The following WDR47 variants were observed in gnomAD, a reference collection of about 807,000 sequenced individuals.
WDR47 encodes the protein WD repeat domain 47, also known as WD repeat-containing protein 47.
A neutral mutation model predicts 97.2 loss-of-function variants in WDR47; 32 were observed. The ratio of observed to expected loss-of-function variants is 0.33; its 90% CI spans 0.25 to 0.44. The LOEUF (loss-of-function observed/expected upper bound fraction) is 0.44. Ranked by LOEUF, WDR47 falls within the 20% of genes least tolerant of loss-of-function variation. WDR47 has a pLI of 1.00. For missense variants in WDR47, 782 were observed against 1,102.3 expected (o/e 0.71, Z 4.11); for synonymous variants, 375 against 373.5 (o/e 1.00, Z -0.05).
At position 109,029,671 on chromosome 1, in the gene WDR47, CTAAATAAATAAATAAATAAATAAA is replaced by C. The variant is rs112161424; in HGVS notation, c.-9-6174_-9-6151del. 6.3e-3 allele frequency among the ~76,000 whole-genome samples: 890 copies of C among 140,662 alleles called. 3 individuals are homozygous for C. Among genetic ancestry groups the C allele is most frequent in the African/African-American group, 0.022 (820 of 37,544 alleles). The allele number at this position is 140,662 out of a possible 152,430, so 92.3% of individuals were successfully genotyped here. A position where few individuals can be genotyped will look rare whatever the true frequency, so the allele number is the denominator to read the frequency against. On this transcript the variant is annotated intron_variant, in intron 1 of 14. Coordinates refer to ENST00000369962, the MANE Select transcript of WDR47 (RefSeq NM_001142551.2). ...TGGGTGACAGAGCGAGACTCTGTCT[CTAAATAAATAAATAAATAAATAAA>C]TAAATAAATAAATAAATATTTTTTT...
chr1:109,038,411 G>A lies in WDR47; in HGVS notation c.-10+3451C>T, dbSNP rs574814283. Among the ~76,000 whole-genome samples the A allele has an allele frequency of 1.4e-3, 218 of 152,306 alleles. 1 individual carries two copies. Among genetic ancestry groups the A allele is most frequent in the Non-Finnish European group, 2.0e-3 (138 of 68,042 alleles). The stretch of plus-strand genomic sequence containing the variant: ...AAAAAATATCGAGCCAGGTGCAGTG[G>A]CTCATGCCTGTAATCCCAGCACTTT... On this transcript the variant is annotated intron_variant, in intron 1 of 14. Coordinates refer to ENST00000369962, the MANE Select transcript of WDR47 (RefSeq NM_001142551.2).
chr1:108,987,873 T>C (rs1658960388), intron 9 of WDR47, among the ~76,000 whole-genome samples: 1 of 152,134 alleles, frequency 6.6e-6, no homozygotes, highest in Non-Finnish European at 1.5e-5. Flanking sequence ...TATTTTTCAT[T>C]ACTCATTGCT....
At chr1:109,002,133 T>C in intron 7 of WDR47, 91 bp downstream of exon 7, 1 of 1,379,888 alleles carries the variant, frequency 7.2e-7, no homozygotes. Flanking sequence ...AGCCTTAAAA[T>C]GTCAAACTAT....
At chr1:108,990,862 G>A (rs892368686) in intron 9 of WDR47, among the ~76,000 whole-genome samples, 1 of 152,066 alleles carries the variant, frequency 6.6e-6, no homozygotes, top group Non-Finnish European at 1.5e-5. Flanking sequence ...CCACTACTAG[G>A]CCATTAATAT....
chr1:109,023,161 C>T (rs1203696427), intron 2 of WDR47, among the ~76,000 whole-genome samples, 194 bp downstream of exon 2: 4 of 151,770 alleles, frequency 2.6e-5, no homozygotes, highest in African/African-American at 4.8e-5. Context: ...CGACATCTCG[C>T]CACTGCACTC....
intron 1 of WDR47, among the ~76,000 whole-genome samples, chr1:109,036,986 T>C (rs1221949363): frequency 6.7e-6 from 1 of 149,648 alleles, no homozygotes; most frequent in Non-Finnish European, 1.5e-5. Context: ...ATTTGTGAAA[T>C]GCTGTTTTTG....
intron 10 of WDR47, among the ~76,000 whole-genome samples, chr1:108,985,238 C>G (rs910105151): frequency 6.6e-6 from 1 of 152,174 alleles, no homozygotes; most frequent in African/African-American, 2.4e-5. Flanking sequence ...TCTATCTCTG[C>G]GGCCTTATCA....
At chr1:108,986,841 T>G (rs1202554391) in intron 9 of WDR47, 161 bp from the exon 10 acceptor site, 1 of 601,758 alleles carries the variant, frequency 1.7e-6, no homozygotes, top group Non-Finnish European at 2.8e-6. Context: ...TTTTCTTACT[T>G]TATTAAATCT....
At chr1:109,028,366 T>TTTTTTTG (rs1458190182) in intron 1 of WDR47, among the ~76,000 whole-genome samples, 1 of 130,422 alleles carries the variant, frequency 7.7e-6, no homozygotes, top group Non-Finnish European at 1.6e-5. Flanking sequence ...TGTTGGGTTT[T>TTTTTTTG]TTTTTTTTTT....
intron 10 of WDR47, among the ~76,000 whole-genome samples, chr1:108,985,777 C>T (rs536513776): frequency 1.1e-4 from 17 of 152,222 alleles, no homozygotes; most frequent in Admixed American, 9.8e-4. Flanking sequence ...GGTTCTACCT[C>T]CATAATTATT....
chr1:109,019,846 G>A (rs770485998), intron 2 of WDR47, among the ~76,000 whole-genome samples: 5 of 152,104 alleles, frequency 3.3e-5, no homozygotes, highest in Non-Finnish European at 7.3e-5. Flanking sequence ...CTTACACAAC[G>A]GCAATTTCCC....
rs1288167878 is a variant in WDR47, at chr1:109,023,453, G to A, written c.60C>T (p.Asp20=). Residue 20 remains aspartate, a synonymous_variant, in exon 2 of 15, where the codon GAC becomes GAT. Transcript: ENST00000369962. ...KEVEIIKLIL[D]FLNSKKLHIS... is the part of the protein sequence containing the mutation. ...TGTGAAGCTTCTTTGAATTCAGGAA[G>A]TCCAAAATTAGCTTAATGATTTCAA... 3.7e-6 allele frequency: 6 copies of A among 1,613,526 alleles called. No homozygotes were observed. Among genetic ancestry groups the A allele is most frequent in the Non-Finnish European group, 5.1e-6 (6 of 1,179,796 alleles).
intron 1 of WDR47, among the ~76,000 whole-genome samples, chr1:109,027,104 T>C (rs1285183686): frequency 6.6e-6 from 1 of 152,124 alleles, no homozygotes; most frequent in Non-Finnish European, 1.5e-5. Flanking sequence ...TTGCCCGGGC[T>C]GGAGTGCAGT....
chr1:109,036,564 C>T (rs544381417), intron 1 of WDR47, among the ~76,000 whole-genome samples: 62 of 148,096 alleles, frequency 4.2e-4, no homozygotes, highest in African/African-American at 9.9e-4. Context: ...AGTCCAGGCG[C>T]GGTGGCTCAC....
intron 3 of WDR47, among the ~76,000 whole-genome samples, chr1:109,016,189 G>C (rs1661406551): frequency 6.6e-6 from 1 of 151,942 alleles, no homozygotes; most frequent in Non-Finnish European, 1.5e-5. Flanking sequence ...GATTATTTGA[G>C]CCCAGAAGTT....
At chr1:108,991,207 T>A (rs1453675940) in intron 9 of WDR47, 47 bp downstream of exon 9, 2 of 1,549,424 alleles carry the variant, frequency 1.3e-6, no homozygotes, top group Admixed American at 1.8e-5. Flanking sequence ...TAGCAAAATT[T>A]ACAGGTGCAT....
intron 13 of WDR47, among the ~76,000 whole-genome samples, chr1:108,975,264 T>C (rs943360886): frequency 6.6e-6 from 1 of 152,094 alleles, no homozygotes; most frequent in African/African-American, 2.4e-5. Context: ...CTTGAATCCT[T>C]GTCTCCCAGA....
chr1:108,992,725 G>A, intron 8 of WDR47: 1 of 1,588,526 alleles, frequency 6.3e-7, no homozygotes, highest in Non-Finnish European at 8.5e-7. Context: ...ACATTGAGAT[G>A]ATCCTTACGG....
intron 10 of WDR47, among the ~76,000 whole-genome samples, chr1:108,983,883 A>G (rs931765009): frequency 8.5e-5 from 13 of 152,246 alleles, no homozygotes; most frequent in Non-Finnish European, 1.6e-4. Context: ...AGTTCTGTCC[A>G]GAGTTTAAAA....
Sources: gnomAD v4.1 joint callset for allele counts (sites outside exome capture counted in the v4.1 genomes callset) on GRCh38, gnomAD v4.1.1 for gene constraint, MANE v1.5 for transcripts, NCBI Gene and HGNC (gene_info 2026-07-23, HGNC 2026-07-21) for gene names.